Variants in CDK13 observed in about 807,000 individuals in gnomAD.
CDK13 encodes cyclin-dependent kinase 13.
A neutral mutation model predicts 137.6 loss-of-function variants in CDK13; 40 were observed. That is an observed-to-expected ratio of 0.29 (90% CI 0.23 to 0.38). CDK13 has a LOEUF of 0.38. CDK13 is among the 10% of genes least tolerant of loss of function. The pLI is 1.00. For synonymous variants in CDK13, 869 were observed against 760.1 expected, an observed-to-expected ratio of 1.14 and a Z score of -2.36; for missense variants, 1,704 against 1,951.8, an observed-to-expected ratio of 0.87 and a Z score of 2.39.
At chr7:40,008,391 A>C (rs1784835016) in intron 5 of CDK13, among the ~76,000 whole-genome samples, 1 of 152,196 alleles carries the variant, frequency 6.6e-6, no homozygotes, top group South Asian at 2.1e-4. Flanking sequence ...AATACTGGGG[A>C]TATTAAACAA....
chr7:39,968,524 C>T (rs945121640), intron 1 of CDK13, among the ~76,000 whole-genome samples: 4 of 152,206 alleles, frequency 2.6e-5, no homozygotes, highest in Admixed American at 2.6e-4. Flanking sequence ...AGACATGCAC[C>T]ACTGTGCCTC....
intron 5 of CDK13, among the ~76,000 whole-genome samples, chr7:40,010,297 A>G (rs772559799): frequency 7.4e-4 from 112 of 152,212 alleles, no homozygotes; most frequent in Middle Eastern, 3.4e-3. Context: ...AGTTCATACT[A>G]GAGTTTGTGC....
At chr7:40,028,218 CTTTT>C (rs1209452508) in intron 5 of CDK13, among the ~76,000 whole-genome samples, 2 of 118,996 alleles carry the variant, frequency 1.7e-5, no homozygotes, top group African/African-American at 3.6e-5. Flanking sequence ...CTTGAATTGA[CTTTT>C]TTTTTTTTTT....
intron 1 of CDK13, among the ~76,000 whole-genome samples, chr7:39,976,073 G>A (rs912388517): frequency 2.0e-5 from 3 of 151,938 alleles, no homozygotes; most frequent in African/African-American, 7.3e-5. Context: ...CGAGATGGGC[G>A]GATCACCTGA....
intron 1 of CDK13, among the ~76,000 whole-genome samples, chr7:39,955,999 A>G (rs1183100561): frequency 6.6e-6 from 1 of 152,158 alleles, no homozygotes; most frequent in East Asian, 1.9e-4. Context: ...TAAATAAGAA[A>G]AATTATTGTT....
At chr7:40,042,707 C>T (rs1440051887) in intron 5 of CDK13, among the ~76,000 whole-genome samples, 12 of 143,236 alleles carry the variant, frequency 8.4e-5, no homozygotes, top group South Asian at 4.5e-4. Context: ...TCAAAACTTA[C>T]GGCCTCAAGC....
In CDK13 at chr7:39,951,510, CT is replaced by C; in HGVS notation, c.871del (p.Ser291ArgfsTer45). On this transcript the variant is annotated frameshift_variant, in exon 1 of 14. Transcript: ENST00000181839. LOFTEE classifies it high-confidence loss of function. ...CGGACTAAGTCGTCCAAGGAGCCGC[CT>C]TCGGCCTACAAGGAACCGCCCAAGG... is the stretch of plus-strand genomic sequence containing the variant. ...RSRTKSSKEP[P>X]SAYKEPPKAY... 6.5e-7 allele frequency: 1 copy of C among 1,535,126 alleles called. No homozygotes were observed. Among genetic ancestry groups the C allele is most frequent in the East Asian group, 2.6e-5 (1 of 38,696 alleles).
chr7:40,062,970 T>C, intron 8 of CDK13, 43 bp downstream of exon 8: 4 of 1,603,108 alleles, frequency 2.5e-6, no homozygotes, highest in South Asian at 1.1e-5. Context: ...TTGAAACTTT[T>C]GGTAGTGAAT....
rs75722640 is a variant in CDK13 at position 40,074,825 on chromosome 7, A to T, written c.2781-3180A>T. Among the ~76,000 whole-genome samples, 82 of 146,608 alleles carry T rather than the reference A, an allele frequency of 5.6e-4. No homozygotes were observed. In the East Asian group the frequency reaches 0.014, roughly 25 times the overall value. ...TAGCAGTGGAACCCTGTGTCTATTT[A>T]AAAAAAAAAACAAAATATTTAAAAA... is the stretch of plus-strand genomic sequence containing the variant. On this transcript the variant is annotated intron_variant, in intron 9 of 13. Coordinates refer to ENST00000181839, the MANE Select transcript of CDK13 (RefSeq NM_003718.5).
intron 7 of CDK13, chr7:40,061,928 A>G (rs767897803): frequency 2.0e-5 from 3 of 152,188 alleles, no homozygotes; most frequent in Non-Finnish European, 4.4e-5. Context: ...TCGGAAGGTG[A>G]TAAAGGAATT....
rs745721867 is a variant in CDK13 at position 40,088,319 on chromosome 7, A to G, written c.3223A>G (p.Asn1075Asp). 19 of 1,611,284 alleles carry G rather than the reference A, an allele frequency of 1.2e-5. No individual in the cohort carries two copies. Among genetic ancestry groups the G allele is most frequent in the East Asian group, 6.7e-5 (3 of 44,788 alleles). Residue 1075 changes from asparagine (N) to aspartate (D), a missense_variant, in exon 12 of 14, where the codon AAT becomes GAT. By Grantham distance (23) the Asn-to-Asp change is conservative. Around this residue, in one of 5 missense-constraint regions of CDK13, gnomAD observed 475 missense variants for 579.3 expected, o/e 0.82. Coordinates refer to ENST00000181839, the MANE Select transcript of CDK13 (RefSeq NM_003718.5). ...ACAGCTGAAATCTCAGGGCAGCTCAAATGTGGCACCTGGTCAGTAATGCTT... is the reference window on the plus strand; with the variant it reads ...ACAGCTGAAATCTCAGGGCAGCTCAGATGTGGCACCTGGTCAGTAATGCTT... The part of the protein sequence containing the change: ...SSQLKSQGSS[N>D]VAPVKTGPGQ...
At chr7:40,080,734 A>T (rs1304985514) in intron 11 of CDK13, among the ~76,000 whole-genome samples, 2 of 152,236 alleles carry the variant, frequency 1.3e-5, no homozygotes, top group Admixed American at 1.3e-4. Flanking sequence ...GAATAGTACA[A>T]AGAGTATTCA....
chr7:40,062,969 T>C (rs373508641), intron 8 of CDK13, 42 bp downstream of exon 8: 185 of 1,603,696 alleles, frequency 1.2e-4, no homozygotes, highest in Non-Finnish European at 1.4e-4. Context: ...CTTGAAACTT[T>C]TGGTAGTGAA....
intron 1 of CDK13, among the ~76,000 whole-genome samples, chr7:39,961,027 T>A (rs993993607): frequency 1.3e-5 from 2 of 151,420 alleles, no homozygotes; most frequent in Non-Finnish European, 2.9e-5. Context: ...ATTTTTTTTT[T>A]AACACAGCTC....
chr7:40,035,305 G>T (rs1042906027), intron 5 of CDK13, among the ~76,000 whole-genome samples: 1 of 152,086 alleles, frequency 6.6e-6, no homozygotes. Context: ...GAAAAACATC[G>T]CCTTAAACCA....
At chr7:40,029,300 C>T (rs748690887) in intron 5 of CDK13, among the ~76,000 whole-genome samples, 83 of 152,002 alleles carry the variant, frequency 5.5e-4, no homozygotes, top group Non-Finnish European at 5.6e-4. Flanking sequence ...TGGTGATGGA[C>T]GCCTGTAGCC....
intron 1 of CDK13, 105 bp downstream of exon 1, chr7:39,951,957 C>A: frequency 8.3e-7 from 1 of 1,199,782 alleles, no homozygotes; most frequent in Non-Finnish European, 1.1e-6. Context: ...AGGTCCACCA[C>A]CGAGACGAGA....
intron 5 of CDK13, among the ~76,000 whole-genome samples, chr7:40,004,231 G>A (rs114940459): frequency 0.039 from 5,980 of 151,874 alleles, 346 homozygotes; most frequent in African/African-American, 0.13. Context: ...TTCTTTATCA[G>A]GTTATAAATT....
At chr7:40,011,898 G>T (rs774399658) in intron 5 of CDK13, among the ~76,000 whole-genome samples, 20 of 152,138 alleles carry the variant, frequency 1.3e-4, no homozygotes, top group Non-Finnish European at 2.4e-4. Context: ...TAAGGAACTT[G>T]TATCTTAAAT....
Sources: allele counts gnomAD v4.1 joint callset (sites outside exome capture counted in the v4.1 genomes callset), GRCh38; gene constraint gnomAD v4.1.1; regional missense constraint gnomAD v4.1.1; transcripts MANE v1.5; gene names NCBI Gene and HGNC (gene_info 2026-07-23, HGNC 2026-07-21).